Variants in NSUN2 observed in about 807,000 individuals in gnomAD.
NSUN2 encodes the protein NOP2/Sun RNA methyltransferase 2.
In NSUN2, 63 loss-of-function variants were observed where a neutral mutation model predicts 92.7. That is an observed-to-expected ratio of 0.68 (90% confidence interval 0.56 to 0.84). NSUN2 has a LOEUF of 0.84. NSUN2 is among the 40% of genes least tolerant of loss of function. NSUN2 has a pLI of 0.00. For synonymous variants in NSUN2, 356 were observed against 348.3 expected (o/e 1.02, Z -0.25); for missense variants, 989 against 964.9 (o/e 1.02, Z -0.33).
chr5:6,619,819 C>T (rs1203238439), intron 7 of NSUN2, among the ~76,000 whole-genome samples: 3 of 151,906 alleles, frequency 2.0e-5, no homozygotes, highest in South Asian at 2.1e-4. Flanking sequence ...TAAGAGTCTA[C>T]GATTCTATTT....
intron 5 of NSUN2, 152 bp downstream of exon 5, chr5:6,623,062 A>T: frequency 2.2e-6 from 1 of 449,736 alleles, no homozygotes; most frequent in Non-Finnish European, 3.7e-6. Flanking sequence ...AAAAAAAAAG[A>T]AACTAAGATA....
rs6889694 is a variant in NSUN2 at position 6,604,818 on chromosome 5, C to T, written c.1738-133G>A. On this transcript the variant is annotated intron_variant, in intron 15 of 18. Transcript: ENST00000264670. ...AGAAGCAGAAACCCACCGAGAAACC[C>T]CGGTTAAGAACGAACTGATACTCAC... 436,800 of 702,366 alleles carry T rather than the reference C, an allele frequency of 0.62. 138,284 individuals carry two copies. The highest frequency in any genetic ancestry group is 0.66 in the Non-Finnish European group (269,941 of 408,192). The allele number at this position is 702,366 out of a possible 1,614,324, so 43.5% of individuals were successfully genotyped here.
At chr5:6,618,464 T>A (rs767456069) in intron 7 of NSUN2, among the ~76,000 whole-genome samples, 1 of 152,206 alleles carries the variant, frequency 6.6e-6, no homozygotes, top group African/African-American at 2.4e-5. Context: ...AAATTTTTCC[T>A]ACAATCACAG....
chr5:6,600,385 G>A (rs532315454), intron 18 of NSUN2, among the ~76,000 whole-genome samples, 153 bp from the exon 19 acceptor site: 2 of 151,272 alleles, frequency 1.3e-5, no homozygotes, highest in African/African-American at 2.4e-5. Flanking sequence ...ATCTGGATCC[G>A]AGGGGTAGGT....
rs1737368949 is a variant in NSUN2 at position 6,619,977 on chromosome 5, C to T, written c.815+129G>A. On this transcript the variant is annotated intron_variant, in intron 7 of 18. Coordinates refer to ENST00000264670, the MANE Select transcript of NSUN2 (RefSeq NM_017755.6). ...ACGTGTCCATCTTTTGGTTTAGGCT[C>T]ACGCTATCTTTCTCCGCACCCCAAG... 17 of 699,338 alleles carry T rather than the reference C, an allele frequency of 2.4e-5. No homozygotes were observed. In the South Asian group the frequency reaches 4.0e-4, roughly 16 times the overall value. 43.3% of individuals were successfully genotyped at this position (699,338 alleles called of 1,614,324 possible).
At chr5:6,630,626 T>C (rs1737841970) in intron 3 of NSUN2, among the ~76,000 whole-genome samples, 2 of 152,200 alleles carry the variant, frequency 1.3e-5, no homozygotes, top group African/African-American at 4.8e-5. Flanking sequence ...TGAATGTATA[T>C]GCTTATCTGT....
In NSUN2 at chr5:6,632,689, A is replaced by G. The variant is rs761586866; in HGVS notation, c.164T>C (p.Leu55Pro). 3 of 1,613,676 alleles carry G rather than the reference A, an allele frequency of 1.9e-6. No homozygotes were observed. Among genetic ancestry groups the G allele is most frequent in the Non-Finnish European group, 2.5e-6 (3 of 1,179,958 alleles). Residue 55 changes from leucine (L) to proline (P), a missense_variant, in exon 2 of 19, where the codon CTC (leucine) becomes CCC (proline). Coordinates refer to ENST00000264670, the MANE Select transcript of NSUN2 (RefSeq NM_017755.6). ...NKLFEHYYQELKIVPEGEWGQ... is the reference protein window; with the variant it reads ...NKLFEHYYQEPKIVPEGEWGQ... ...CCACTCGCCCTCGGGCACGATCTTGAGCTCCTGGTAGTAGTGCTCGAACAG... is the reference window on the plus strand; with the variant it reads ...CCACTCGCCCTCGGGCACGATCTTGGGCTCCTGGTAGTAGTGCTCGAACAG...
chr5:6,630,379 T>C (rs535135129), intron 3 of NSUN2, among the ~76,000 whole-genome samples: 1 of 152,288 alleles, frequency 6.6e-6, no homozygotes, highest in South Asian at 2.1e-4. Context: ...GATCTTGGCT[T>C]ACTGCAACCT....
intron 3 of NSUN2, among the ~76,000 whole-genome samples, chr5:6,630,239 T>C (rs1481089077): frequency 1.3e-5 from 2 of 152,234 alleles, no homozygotes; most frequent in African/African-American, 4.8e-5. Flanking sequence ...AACAGCAACG[T>C]AGCACCCGTA....
chr5:6,627,057 A>C (rs1315504521), intron 3 of NSUN2, among the ~76,000 whole-genome samples: 1 of 152,198 alleles, frequency 6.6e-6, no homozygotes, highest in Non-Finnish European at 1.5e-5. Flanking sequence ...ATGAAGACGA[A>C]ACTGGCTGAA....
intron 11 of NSUN2, among the ~76,000 whole-genome samples, chr5:6,610,244 CT>C (rs1268625496): frequency 2.3e-4 from 34 of 146,424 alleles, no homozygotes; most frequent in East Asian, 2.0e-3. Context: ...TTGTATTTTT[CT>C]TTTTTTTTTT....
chr5:6,617,366 G>C (rs1199841934), intron 8 of NSUN2, among the ~76,000 whole-genome samples: 3 of 152,044 alleles, frequency 2.0e-5, no homozygotes, highest in African/African-American at 7.2e-5. Flanking sequence ...CATGGCATTT[G>C]TCATGTCAAA....
intron 6 of NSUN2, chr5:6,620,955 AAAC>A (rs1217977119): frequency 6.6e-6 from 1 of 152,276 alleles, no homozygotes; most frequent in Non-Finnish European, 1.5e-5. Context: ...AATGTGGAGA[AAAC>A]AACTAAAAAC....
chr5:6,604,153 G>T lies in NSUN2; in HGVS notation c.1942C>A (p.Gln648Lys). The change falls in exon 17 of 19, where the codon CAA becomes AAA. Residue 648 changes from glutamine (Q) to lysine (K), a missense_variant. Physicochemically the swap from Gln to Lys is moderately conservative, Grantham distance 53. Coordinates refer to ENST00000264670, the MANE Select transcript of NSUN2 (RefSeq NM_017755.6). Reference protein sequence around the residue: ...FRKLSSETYSQAKDLAKGSIV... With the variant: ...FRKLSSETYSKAKDLAKGSIV... Reference sequence around the variant, plus strand: ...AACTACTCACCCAGGTCCTTTGCTTGACTGTAGGTCTCACTGCTGAGTTTT... The same window carrying T: ...AACTACTCACCCAGGTCCTTTGCTTTACTGTAGGTCTCACTGCTGAGTTTT... 6.2e-7 allele frequency: 1 copy of T among 1,613,664 alleles called. No individual in the cohort carries two copies. The highest frequency in any genetic ancestry group is 1.1e-5 in the South Asian group (1 of 90,938).
rs558915060 is a variant in NSUN2, at chr5:6,630,158, G to A, written c.359+1715C>T. On this transcript the variant is annotated intron_variant, in intron 3 of 18. Transcript: ENST00000264670. ...GTGAAGGTTACCTCATCTCAGCAAT[G>A]CCATAACTAGAGGCTGAAAAACATC... 3.3e-5 allele frequency among the ~76,000 whole-genome samples: 5 copies of A among 152,272 alleles called. No individual in the cohort carries two copies. The East Asian group carries it at 9.6e-4, about 29-fold the overall frequency.
intron 18 of NSUN2, 110 bp downstream of exon 18, chr5:6,602,351 A>G (rs1409188429): frequency 6.7e-6 from 7 of 1,052,500 alleles, no homozygotes; most frequent in African/African-American, 4.7e-5. Flanking sequence ...AACAATCACA[A>G]AAGGCCTGAA....
At chr5:6,611,699 A>T (rs778782752) in intron 10 of NSUN2, 26 bp downstream of exon 10, 1 of 1,607,932 alleles carries the variant, frequency 6.2e-7, no homozygotes, top group Non-Finnish European at 8.5e-7. Context: ...TACTCTTTAG[A>T]ATGAAAGTTC....
chr5:6,631,757 G>A, intron 3 of NSUN2, 116 bp downstream of exon 3: 1 of 746,392 alleles, frequency 1.3e-6, no homozygotes. Flanking sequence ...ACATTAGGAT[G>A]TTTGCAAAGT....
chr5:6,630,194 A>C (rs1231598877), intron 3 of NSUN2, among the ~76,000 whole-genome samples: 1 of 152,162 alleles, frequency 6.6e-6, no homozygotes, highest in Non-Finnish European at 1.5e-5. Flanking sequence ...TACCTTTTCC[A>C]CTGATCTCAC....
Sources: allele counts gnomAD v4.1 joint callset (sites outside exome capture counted in the v4.1 genomes callset), GRCh38; gene constraint gnomAD v4.1.1; transcripts MANE v1.5; gene names NCBI Gene and HGNC (gene_info 2026-07-23, HGNC 2026-07-21).